The following GMPR variants were observed in gnomAD, a reference collection of about 807,000 sequenced individuals.
GMPR encodes the protein guanosine monophosphate reductase, also known as GMP reductase 1.
In GMPR, 31 loss-of-function variants were observed where a neutral mutation model predicts 38.4. The observed-to-expected ratio is 0.81, with a 90% CI of 0.61 to 1.09. GMPR has a LOEUF of 1.09. Among genes scored for constraint, GMPR ranks in the 50% least tolerant of loss-of-function variants. The pLI is 0.00. For synonymous variants in GMPR, 162 were observed against 173.3 expected, an observed-to-expected ratio of 0.93 and a Z score of 0.51; for missense variants, 468 against 453.7, an observed-to-expected ratio of 1.03 and a Z score of -0.29.
Position 16,238,658 on chromosome 6 carries a change from G to T in GMPR, c.-36G>T. On this transcript the variant is annotated 5_prime_UTR_variant, in exon 1 of 9. Coordinates refer to ENST00000259727, the MANE Select transcript of GMPR (RefSeq NM_006877.4). ...CGCCCCGCGCAGGCGCCCCCGCCCC[G>T]CCGTCGCCGCCGCCGCAGCCAGGAG... 8.9e-7 allele frequency: 1 copy of T among 1,119,804 alleles called. No homozygotes were observed. The highest frequency in any genetic ancestry group is 1.2e-6 in the Non-Finnish European group (1 of 868,692). 69.4% of individuals were successfully genotyped at this position (1,119,804 alleles called of 1,614,324 possible).
chr6:16,291,920 AAAAG>A (rs1465915826), intron 8 of GMPR, among the ~76,000 whole-genome samples: 1 of 152,054 alleles, frequency 6.6e-6, no homozygotes, highest in East Asian at 1.9e-4. Context: ...AAAAAAAAAA[AAAAG>A]AACCTGATGA....
At chr6:16,288,239 G>A (rs528800040) in intron 7 of GMPR, among the ~76,000 whole-genome samples, 3 of 152,396 alleles carry the variant, frequency 2.0e-5, no homozygotes, top group African/African-American at 7.2e-5. Context: ...CCCTCAGCTT[G>A]AAGGGAGGTG....
intron 4 of GMPR, chr6:16,262,335 C>G (rs1163081971): frequency 6.6e-6 from 1 of 152,012 alleles, no homozygotes; most frequent in Admixed American, 6.6e-5. Context: ...CTGGGAGTGG[C>G]TGCCAGGTGA....
intron 2 of GMPR, 109 bp from the exon 3 acceptor site, chr6:16,250,175 T>C (rs1758841673): frequency 1.4e-6 from 1 of 728,856 alleles, no homozygotes; most frequent in East Asian, 2.5e-5. Flanking sequence ...TAAGCATGGA[T>C]GGCAGGAACA....
chr6:16,283,926 G>A (rs959088656), intron 6 of GMPR, among the ~76,000 whole-genome samples: 21 of 152,218 alleles, frequency 1.4e-4, no homozygotes, highest in Admixed American at 7.2e-4. Context: ...CAGGGCAAGC[G>A]AAGGGCATTT....
intron 7 of GMPR, among the ~76,000 whole-genome samples, chr6:16,287,985 C>T (rs187549114): frequency 1.1e-4 from 17 of 152,370 alleles, no homozygotes; most frequent in Admixed American, 1.1e-3. Context: ...AGGCTCCCCT[C>T]CTCCTTCATC....
chr6:16,265,948 C>CA (rs1423389042), intron 4 of GMPR, among the ~76,000 whole-genome samples: 10 of 152,096 alleles, frequency 6.6e-5, no homozygotes, highest in Non-Finnish European at 1.0e-4. Context: ...CACGAAGCCA[C>CA]CCGCCGGGAG....
intron 4 of GMPR, chr6:16,257,985 A>G (rs7742883): frequency 0.56 from 85,241 of 152,084 alleles, 26,962 homozygotes; most frequent in East Asian, 0.92. Flanking sequence ...CACTGGGGAA[A>G]TCGCATTCTT....
chr6:16,278,954 T>G (rs1759527966), intron 6 of GMPR, 64 bp downstream of exon 6: 2 of 965,134 alleles, frequency 2.1e-6, no homozygotes, highest in Non-Finnish European at 1.6e-6. Flanking sequence ...TCGCTGCTCT[T>G]CTTTCACTGG....
intron 7 of GMPR, among the ~76,000 whole-genome samples, chr6:16,287,041 A>G (rs1759696760): frequency 6.6e-6 from 1 of 152,326 alleles, no homozygotes; most frequent in African/African-American, 2.4e-5. Context: ...ATGGTATTTA[A>G]CCTCCTCCTA....
intron 1 of GMPR, among the ~76,000 whole-genome samples, chr6:16,239,824 C>G (rs1236969848): frequency 6.6e-6 from 1 of 152,244 alleles, no homozygotes; most frequent in African/African-American, 2.4e-5. Context: ...CCGCGTTAGC[C>G]AATGACTAAA....
At chr6:16,250,403 G>C in intron 3 of GMPR, 36 bp downstream of exon 3, 1 of 1,176,720 alleles carries the variant, frequency 8.5e-7, no homozygotes, top group Non-Finnish European at 1.3e-6. Flanking sequence ...TACCAGTGCT[G>C]CAGGGGGGAA....
At chr6:16,294,870 T>G in intron 8 of GMPR, 136 bp from the exon 9 acceptor site, 1 of 659,068 alleles carries the variant, frequency 1.5e-6, no homozygotes, top group African/African-American at 1.9e-5. Flanking sequence ...AATGTGGGGA[T>G]GGGGTCAGAG....
chr6:16,295,174 C>A lies in GMPR; in HGVS notation c.1026C>A (p.Thr342=). 6.6e-7 allele frequency: 1 copy of A among 1,522,194 alleles called. No individual in the cohort carries two copies. Among genetic ancestry groups the A allele is most frequent in the Non-Finnish European group, 8.8e-7 (1 of 1,141,704 alleles). The allele number at this position is 1,522,194 out of a possible 1,614,324, so 94.3% of individuals were successfully genotyped here. ...TCCGGGTGACCCAGCAGCACAACAC[C>A]GTGTTCAGCTAACCCTGGGGACAAA... ...TFIRVTQQHN[T]VFS The change falls in exon 9 of 9, where the codon ACC becomes ACA. Residue 342 remains threonine, a synonymous_variant. Coordinates refer to ENST00000259727, the MANE Select transcript of GMPR (RefSeq NM_006877.4).
chr6:16,290,494 A>G lies in GMPR; in HGVS notation c.730A>G (p.Met244Val). ...AGADFVMLGG[M>V]FSGHTECAGE... ...AGCAGATTTTGTCATGCTGGGAGGA[A>G]TGTTTTCGGGTCATACGGAGTGTGC... Residue 244 changes from methionine to valine, a missense_variant, in exon 8 of 9, where the codon ATG becomes GTG. Met to Val is a conservative substitution (Grantham distance 21). Transcript: ENST00000259727. The G allele has an allele frequency of 1.2e-6, 2 of 1,614,038 alleles. No homozygotes were observed. Among genetic ancestry groups the G allele is most frequent in the Non-Finnish European group, 1.7e-6 (2 of 1,179,934 alleles).
intron 4 of GMPR, among the ~76,000 whole-genome samples, chr6:16,266,488 C>A (rs571346362): frequency 2.1e-5 from 3 of 143,476 alleles, no homozygotes; most frequent in Admixed American, 2.1e-4. Context: ...AAAGGTGGCA[C>A]GTCCGACGTG....
intron 5 of GMPR, among the ~76,000 whole-genome samples, chr6:16,276,343 G>T (rs1378684175): frequency 2.0e-5 from 3 of 151,912 alleles, no homozygotes; most frequent in Non-Finnish European, 4.4e-5. Flanking sequence ...CTAATTTTTT[G>T]TACTTTTAGT....
At position 16,238,763 on chromosome 6, in the gene GMPR, C is replaced by A; in HGVS notation, c.70C>A (p.Leu24Ile). Residue 24 changes from leucine to isoleucine, a missense_variant, in exon 1 of 9, where the codon CTC (leucine) becomes ATC (isoleucine). Coordinates refer to ENST00000259727, the MANE Select transcript of GMPR (RefSeq NM_006877.4). ...CCTGCTCCGACCTAAGCGGAGCAGC[C>A]TCAAGAGCCGAGCCGAGGTGGGGGA... ...DVLLRPKRSS[L>I]KSRAEVDLER... 1 of 1,463,358 alleles carries A rather than the reference C, an allele frequency of 6.8e-7. No individual in the cohort carries two copies. The highest frequency in any genetic ancestry group is 9.2e-7 in the Non-Finnish European group (1 of 1,092,724). The allele number at this position is 1,463,358 out of a possible 1,614,324, so 90.6% of individuals were successfully genotyped here.
At chr6:16,256,619 T>C (rs1294101469) in intron 4 of GMPR, among the ~76,000 whole-genome samples, 1 of 152,140 alleles carries the variant, frequency 6.6e-6, no homozygotes, top group Non-Finnish European at 1.5e-5. Flanking sequence ...AAATTCACTT[T>C]GTTCTCTGTA....
Sources: allele counts gnomAD v4.1 joint callset (sites outside exome capture counted in the v4.1 genomes callset), GRCh38; gene constraint gnomAD v4.1.1; transcripts MANE v1.5; gene names NCBI Gene and HGNC (gene_info 2026-07-23, HGNC 2026-07-21).